Variants in DHRS7 observed in about 807,000 individuals in gnomAD.
DHRS7 encodes the protein dehydrogenase/reductase SDR family member 7.
A neutral mutation model predicts 38.9 loss-of-function variants in DHRS7; 34 were observed. The ratio of observed to expected loss-of-function variants is 0.87; its 90% CI spans 0.66 to 1.16. DHRS7 has a LOEUF of 1.16. DHRS7 is among the 50% of genes most tolerant of loss of function. The pLI, the probability that DHRS7 is intolerant of heterozygous loss-of-function variation, is 0.00. For missense variants in DHRS7, 421 were observed against 407.0 expected (o/e 1.03, Z -0.30); for synonymous variants, 158 against 153.1 (o/e 1.03, Z -0.24).
intron 6 of DHRS7, chr14:60,147,321 G>T (rs1054389768): frequency 6.6e-6 from 1 of 152,080 alleles, no homozygotes; most frequent in Non-Finnish European, 1.5e-5. Context: ...CTAATATACC[G>T]CATGGTGACT....
At chr14:60,169,352 C>T (rs746296741), upstream of DHRS7, among the ~76,000 whole-genome samples, 9 of 152,178 alleles carry the variant, frequency 5.9e-5, no homozygotes, top group Non-Finnish European at 1.3e-4. Context: ...GTATTTCCCT[C>T]CCAGGTTGTA....
chr14:60,165,543 C>T, upstream of DHRS7: 1 of 1,269,056 alleles, frequency 7.9e-7, no homozygotes, highest in Non-Finnish European at 9.9e-7. This position sits in a 1 kb window ranked among gnomAD's most constrained non-coding sequence, Gnocchi z 4.6. Context: ...CCCGGCGGGG[C>T]CGGCAGATTG....
chr14:60,162,666 T>C lies in DHRS7; in HGVS notation c.133+2511A>G, dbSNP rs1388599286. ...TTTTCATCTTGATAGAGTCTGCCCA[T>C]CTCTCCAGTCTGAGCTGTTTTGGGA... On this transcript the variant is annotated intron_variant, in intron 1 of 6. Transcript: ENST00000557185. This position sits in a 1 kb window ranked among gnomAD's most constrained non-coding sequence, Gnocchi z 4.5. Among the ~76,000 whole-genome samples the C allele has an allele frequency of 6.6e-6, 1 of 152,142 alleles. No homozygotes were observed. Among genetic ancestry groups the C allele is most frequent in the Non-Finnish European group, 1.5e-5 (1 of 68,022 alleles).
intron 2 of DHRS7, among the ~76,000 whole-genome samples, chr14:60,155,364 G>A (rs1254041): frequency 0.27 from 41,362 of 152,008 alleles, 7,657 homozygotes; most frequent in African/African-American, 0.52. Flanking sequence ...TACAAGAATC[G>A]CTTGAACCTG....
Position 60,152,922 on chromosome 14 carries a change from A to C in DHRS7, c.633+17T>G, listed in dbSNP as rs1896575123. ...ATTTAAGTCAGTTCTATCAGAGTTGAGTTTGAGCAGCCTTACCCGGAGAGC... is the reference window on the plus strand; with the variant it reads ...ATTTAAGTCAGTTCTATCAGAGTTGCGTTTGAGCAGCCTTACCCGGAGAGC... On this transcript the variant is annotated intron_variant, in intron 4 of 6. Transcript: ENST00000557185. The C allele has an allele frequency of 2.5e-6, 4 of 1,613,632 alleles. No individual in the cohort carries two copies. Among genetic ancestry groups the C allele is most frequent in the Admixed American group, 3.3e-5 (2 of 59,982 alleles).
At chr14:60,147,562 A>G (rs1896440548) in intron 6 of DHRS7, 1 of 152,180 alleles carries the variant, frequency 6.6e-6, no homozygotes, top group African/African-American at 2.4e-5. Context: ...ATCCTGCTAT[A>G]TCTAACTCAA....
chr14:60,148,781 A>G lies in DHRS7; in HGVS notation c.972+572T>C, dbSNP rs1377895910. On this transcript the variant is annotated intron_variant, in intron 6 of 6. Coordinates refer to ENST00000557185, the MANE Select transcript of DHRS7 (RefSeq NM_016029.4). This position sits in a 1 kb window ranked among gnomAD's most constrained non-coding sequence, Gnocchi z 4.8. ...TGGTGGGGAGAAACAGTAGGGAAAG[A>G]GCATTTTGACACACACACTGGTCAA... 6.6e-6 allele frequency among the ~76,000 whole-genome samples: 1 copy of G among 152,128 alleles called. No individual in the cohort carries two copies. Among genetic ancestry groups the G allele is most frequent in the Non-Finnish European group, 1.5e-5 (1 of 68,030 alleles).
intron 1 of DHRS7, among the ~76,000 whole-genome samples, chr14:60,164,433 TCAGTTTCCCTATC>T (rs1314331517): frequency 2.0e-5 from 3 of 152,152 alleles, no homozygotes; most frequent in Non-Finnish European, 4.4e-5. Context: ...TCTCTGAACA[TCAGTTTCCCTATC>T]TGGAAAATAA....
chr14:60,166,141 T>A, upstream of DHRS7: 1 of 833,440 alleles, frequency 1.2e-6, no homozygotes. Flanking sequence ...AATACTGTTT[T>A]TGATTAATTT....
intron 1 of DHRS7, among the ~76,000 whole-genome samples, chr14:60,164,079 A>G (rs1896816585): frequency 6.6e-6 from 1 of 151,994 alleles, no homozygotes; most frequent in Non-Finnish European, 1.5e-5. Flanking sequence ...TGCACATGCT[A>G]TACCCAAGAA....
chr14:60,150,014 C>A, intron 5 of DHRS7, 51 bp downstream of exon 5: 1 of 1,553,728 alleles, frequency 6.4e-7, no homozygotes, highest in Non-Finnish European at 8.7e-7. Flanking sequence ...ATATATAATG[C>A]CAATATATAA....
chr14:60,149,134 A>G lies in DHRS7; in HGVS notation c.972+219T>C. Reference sequence around the variant, plus strand: ...ATTACAGGCATGCACCACCATGCCCAGCTACTTTTTGTATTTTTAGTAGAG... The same window carrying G: ...ATTACAGGCATGCACCACCATGCCCGGCTACTTTTTGTATTTTTAGTAGAG... On this transcript the variant is annotated intron_variant, in intron 6 of 6. Coordinates refer to ENST00000557185, the MANE Select transcript of DHRS7 (RefSeq NM_016029.4). 1.9e-5 allele frequency: 10 copies of G among 529,624 alleles called. No homozygotes were observed. In the South Asian group the frequency reaches 2.1e-4, roughly 11 times the overall value. The allele number at this position is 529,624 out of a possible 1,614,324, so 32.8% of individuals were successfully genotyped here. A position where few individuals can be genotyped will look rare whatever the true frequency, so the allele number is the denominator to read the frequency against.
At position 60,154,043 on chromosome 14, in the gene DHRS7, T is replaced by C. The variant is rs1194987804; in HGVS notation, c.309A>G (p.Lys103=). The C allele has an allele frequency of 1.2e-6, 2 of 1,613,768 alleles. No individual in the cohort carries two copies. Among genetic ancestry groups the C allele is most frequent in the Admixed American group, 1.7e-5 (1 of 60,000 alleles). ...GGTCAAGGGGCAAAACAAGTATATC[T>C]TTTTCTTTTAAATTGCCATTCTCTA... ...RCLENGNLKE[K]DILVLPLDLT... is the part of the protein sequence containing the mutation. Residue 103 remains lysine, a synonymous_variant, in exon 3 of 7, where the codon AAA becomes AAG. Transcript: ENST00000557185.
upstream of DHRS7, chr14:60,165,403 A>C: frequency 2.7e-6 from 4 of 1,476,442 alleles, no homozygotes; most frequent in Non-Finnish European, 3.6e-6. The surrounding 1 kb of genome is among the most constrained non-coding windows in gnomAD (Gnocchi z 4.6). Context: ...CCCTTCGGCC[A>C]GCCCAGAGCC....
upstream of DHRS7, chr14:60,166,304 A>G (rs1344749283): frequency 2.5e-5 from 25 of 984,994 alleles, no homozygotes; most frequent in South Asian, 1.2e-3. Context: ...GTTAGAGTGC[A>G]TAGAAACTAG....
chr14:60,154,493 A>G (rs1434544465), intron 2 of DHRS7, among the ~76,000 whole-genome samples: 1 of 152,136 alleles, frequency 6.6e-6, no homozygotes, highest in East Asian at 1.9e-4. Flanking sequence ...CAAATGACAT[A>G]TAGAAGCTTC....
chr14:60,150,172 G>C lies in DHRS7; in HGVS notation c.649C>G (p.Leu217Val). The C allele has an allele frequency of 6.7e-7, 1 of 1,491,866 alleles. No individual in the cohort carries two copies. 92.4% of individuals were successfully genotyped at this position (1,491,866 alleles called of 1,614,324 possible). A position where few individuals can be genotyped will look rare whatever the true frequency, so the allele number is the denominator to read the frequency against. The change falls in exon 5 of 7, where the codon CTT (leucine) becomes GTT (valine). Residue 217 changes from leucine (L) to valine (V), a missense_variant. Transcript: ENST00000557185. ...KHALRGFFNGLRTELATYPGI... is the reference protein window; with the variant it reads ...KHALRGFFNGVRTELATYPGI... ...GGGTATGTGGCAAGTTCTGTTCGAA[G>C]GCCATTAAAAAAACCCTAACAGACA...
upstream of DHRS7, among the ~76,000 whole-genome samples, chr14:60,166,463 A>G (rs1396087606): frequency 6.8e-6 from 1 of 148,082 alleles, no homozygotes; most frequent in Admixed American, 6.6e-5. Context: ...ACTTTAAAAC[A>G]GTCATGGAAA....
At chr14:60,160,750 AT>A (rs1896749576) in intron 1 of DHRS7, among the ~76,000 whole-genome samples, 1 of 151,918 alleles carries the variant, frequency 6.6e-6, no homozygotes, top group African/African-American at 2.4e-5. Flanking sequence ...TGCCCGGCTA[AT>A]TTTTTTGTGT....
Sources: gnomAD v4.1 joint callset for allele counts (sites outside exome capture counted in the v4.1 genomes callset) on GRCh38, gnomAD v4.1.1 for gene constraint, Gnocchi (gnomAD v3.1) non-coding constraint, MANE v1.5 for transcripts, NCBI Gene and HGNC (gene_info 2026-07-23, HGNC 2026-07-21) for gene names.